Variants in RAPGEF1 observed in about 807,000 individuals in gnomAD.
RAPGEF1 encodes CRK SH3-binding GNRP.
Under a neutral mutation model 143.3 loss-of-function variants are expected in RAPGEF1, and 33 were observed. The observed-to-expected ratio is 0.23, with a 90% CI of 0.17 to 0.31. The LOEUF is 0.31. Ranked by LOEUF, RAPGEF1 falls within the 10% of genes least tolerant of loss-of-function variation. The probability of loss-of-function intolerance (pLI) is 1.00; values close to 1 mark genes in which losing one functional copy is unlikely to be tolerated. For missense variants in RAPGEF1, 1,199 were observed against 1,645.4 expected, an observed-to-expected ratio of 0.73 and a Z score of 4.69; for synonymous variants, 629 against 676.5, an observed-to-expected ratio of 0.93 and a Z score of 1.09.
Position 131,669,834 on chromosome 9 carries a change from C to G in RAPGEF1, c.62-18885G>C, listed in dbSNP as rs139194828. Among the ~76,000 whole-genome samples, 247 of 152,286 alleles carry G rather than the reference C, an allele frequency of 1.6e-3. 1 individual carries two copies. Among genetic ancestry groups the G allele is most frequent in the African/African-American group, 5.6e-3 (231 of 41,542 alleles). On this transcript the variant is annotated intron_variant, in intron 1 of 26. Coordinates refer to ENST00000683357, the MANE Select transcript of RAPGEF1 (RefSeq NM_001377935.1). ...CAGACAGAATTTCATTGGGTTAGAGCCTAAAATTCAATCCACTTCATTTCC... is the reference window on the plus strand; with the variant it reads ...CAGACAGAATTTCATTGGGTTAGAGGCTAAAATTCAATCCACTTCATTTCC...
In RAPGEF1 at chr9:131,615,276, G is replaced by A. The variant is rs144371710; in HGVS notation, c.2061+3775C>T. Among the ~76,000 whole-genome samples the A allele has an allele frequency of 3.4e-3, 511 of 152,304 alleles. 1 individual carries two copies. Among genetic ancestry groups the A allele is most frequent in the Middle Eastern group, 0.01 (3 of 292 alleles). Reference sequence around the variant, plus strand: ...TTTTCAGTAGAGCCGGGGTTTCACCGTCTTAGCCGGGATGGTCTTGATTTC... The same window carrying A: ...TTTTCAGTAGAGCCGGGGTTTCACCATCTTAGCCGGGATGGTCTTGATTTC... On this transcript the variant is annotated intron_variant, in intron 12 of 26. Coordinates refer to ENST00000683357, the MANE Select transcript of RAPGEF1 (RefSeq NM_001377935.1).
chr9:131,587,065 A>AAC lies in RAPGEF1; in HGVS notation c.3233+669_3233+670dup, dbSNP rs748456950. Among the ~76,000 whole-genome samples, 3 of 41,908 alleles carry AAC rather than the reference A, an allele frequency of 7.2e-5. 1 individual carries two copies. Among genetic ancestry groups the AAC allele is most frequent in the Non-Finnish European group, 1.2e-4 (3 of 24,060 alleles). The allele number at this position is 41,908 out of a possible 152,430, so 27.5% of individuals were successfully genotyped here. On this transcript the variant is annotated intron_variant, in intron 22 of 26. Coordinates refer to ENST00000683357, the MANE Select transcript of RAPGEF1 (RefSeq NM_001377935.1). The stretch of plus-strand genomic sequence containing the variant: ...CCCTGCAGAGCGAGACTCCGTCTCA[A>AAC]ACACACACACACACACACCTGCAGA...
chr9:131,594,159 T>C (rs1178668277), intron 17 of RAPGEF1, among the ~76,000 whole-genome samples: 2 of 152,186 alleles, frequency 1.3e-5, no homozygotes, highest in East Asian at 3.9e-4. Context: ...TTATGGCAGA[T>C]GGGACAGCGC....
intron 1 of RAPGEF1, among the ~76,000 whole-genome samples, chr9:131,710,421 T>C (rs943080529): frequency 1.1e-4 from 16 of 152,308 alleles, no homozygotes; most frequent in African/African-American, 3.6e-4. Context: ...CTACGCTACC[T>C]AAATTCTGAA....
chr9:131,604,134 G>A, intron 13 of RAPGEF1, 81 bp from the exon 14 acceptor site: 15 of 855,736 alleles, frequency 1.8e-5, no homozygotes, highest in Non-Finnish European at 2.4e-5. Flanking sequence ...GGATGCCACA[G>A]CCTGCACTCT....
chr9:131,713,757 C>T (rs184432635), intron 1 of RAPGEF1, among the ~76,000 whole-genome samples: 7 of 152,212 alleles, frequency 4.6e-5, no homozygotes, highest in African/African-American at 1.7e-4. Context: ...CCACTGCACT[C>T]CAGTCTGGGC....
At chr9:131,633,750 C>T (rs1965580892) in intron 5 of RAPGEF1, among the ~76,000 whole-genome samples, 1 of 152,206 alleles carries the variant, frequency 6.6e-6, no homozygotes, top group Admixed American at 6.5e-5. Context: ...TACCACCTAT[C>T]TCCCTGCCTA....
intron 1 of RAPGEF1, among the ~76,000 whole-genome samples, chr9:131,721,761 T>G (rs993474962): frequency 3.3e-5 from 5 of 152,220 alleles, no homozygotes; most frequent in African/African-American, 9.6e-5. Flanking sequence ...ACTTTTTTCT[T>G]GTCAATATTC....
Position 131,686,388 on chromosome 9 carries a change from G to A in RAPGEF1, c.62-35439C>T, listed in dbSNP as rs186003429. Among the ~76,000 whole-genome samples, 77 of 152,280 alleles carry A rather than the reference G, an allele frequency of 5.1e-4. No homozygotes were observed. In the East Asian group the frequency reaches 0.013, roughly 25 times the overall value. On this transcript the variant is annotated intron_variant, in intron 1 of 26. Transcript: ENST00000683357. ...AAGACAACTGGCTCTGTGGGTCTCCGACAAGGATTCTCTGTGTGATTTTGA... is the reference window on the plus strand; with the variant it reads ...AAGACAACTGGCTCTGTGGGTCTCCAACAAGGATTCTCTGTGTGATTTTGA...
chr9:131,714,876 T>TA (rs1413205416), intron 1 of RAPGEF1, among the ~76,000 whole-genome samples: 1 of 152,018 alleles, frequency 6.6e-6, no homozygotes, highest in Non-Finnish European at 1.5e-5. Context: ...CCTGGTTAAT[T>TA]AGTAAAATTA....
intron 1 of RAPGEF1, among the ~76,000 whole-genome samples, chr9:131,693,497 C>T (rs987726979): frequency 3.6e-4 from 55 of 152,094 alleles, no homozygotes; most frequent in South Asian, 2.1e-4. Context: ...TTGTAGCTGG[C>T]ATGATAAGAA....
intron 1 of RAPGEF1, among the ~76,000 whole-genome samples, chr9:131,736,546 G>A (rs1345564592): frequency 2.6e-5 from 4 of 152,218 alleles, no homozygotes; most frequent in Non-Finnish European, 5.9e-5. Context: ...TGCTGCATGA[G>A]AAAGAAAATG....
chr9:131,644,393 TAA>T (rs34822352), intron 3 of RAPGEF1, among the ~76,000 whole-genome samples: 162 of 137,178 alleles, frequency 1.2e-3, no homozygotes, highest in Admixed American at 1.2e-3. Flanking sequence ...GGCTGTCCTT[TAA>T]AAAAAAAAAA....
chr9:131,590,090 T>C, intron 18 of RAPGEF1, 112 bp from the exon 19 acceptor site: 1 of 914,666 alleles, frequency 1.1e-6, no homozygotes, highest in East Asian at 2.5e-5. Flanking sequence ...TCTTCCTGCA[T>C]GTAAAGCACT....
rs566352205 is a variant in RAPGEF1, at chr9:131,624,469, C to T, written c.1702+1453G>A. Among the ~76,000 whole-genome samples, 10 of 152,338 alleles carry T rather than the reference C, an allele frequency of 6.6e-5. No homozygotes were observed. The East Asian group carries it at 1.4e-3, about 21-fold the overall frequency. ...GAAAGGAAACAATGGCTACCCCTCCCTTTCCTTCTCCCCTCTATAGACCCT... is the reference window on the plus strand; with the variant it reads ...GAAAGGAAACAATGGCTACCCCTCCTTTTCCTTCTCCCCTCTATAGACCCT... On this transcript the variant is annotated intron_variant, in intron 10 of 26. Coordinates refer to ENST00000683357, the MANE Select transcript of RAPGEF1 (RefSeq NM_001377935.1).
At chr9:131,609,041 T>C (rs771556109) in intron 12 of RAPGEF1, among the ~76,000 whole-genome samples, 11 of 152,166 alleles carry the variant, frequency 7.2e-5, no homozygotes, top group Non-Finnish European at 1.5e-4. Flanking sequence ...CTGTTTGGGC[T>C]GAGGATTTTA....
intron 12 of RAPGEF1, among the ~76,000 whole-genome samples, chr9:131,609,879 A>C (rs1259461785): frequency 6.6e-6 from 1 of 152,224 alleles, no homozygotes; most frequent in Non-Finnish European, 1.5e-5. Context: ...CCTTAGCAAG[A>C]AAGCAGGAAA....
chr9:131,589,002 G>A lies in RAPGEF1; in HGVS notation c.2868-16C>T, dbSNP rs778476706. 1.4e-5 allele frequency: 23 copies of A among 1,609,742 alleles called. No homozygotes were observed. Among genetic ancestry groups the A allele is most frequent in the Non-Finnish European group, 2.0e-5 (23 of 1,177,258 alleles). ...CTCCACCAGGCTGAAGGACAAAAGA[G>A]CACAAGGTGAGGAGCAGGAACGCAA... On this transcript the variant is annotated splice_polypyrimidine_tract_variant and intron_variant, in intron 19 of 26. Transcript: ENST00000683357.
intron 1 of RAPGEF1, among the ~76,000 whole-genome samples, chr9:131,734,121 GAA>G (rs1837268437): frequency 6.6e-6 from 1 of 152,100 alleles, no homozygotes; most frequent in Admixed American, 6.5e-5. Context: ...TCAAAGATCA[GAA>G]AAGAGATTGA....
Sources: allele counts gnomAD v4.1 joint callset (sites outside exome capture counted in the v4.1 genomes callset), GRCh38; gene constraint gnomAD v4.1.1; transcripts MANE v1.5; gene names NCBI Gene and HGNC (gene_info 2026-07-23, HGNC 2026-07-21).